DENND4C: variants seen among roughly 807,000 people sequenced by gnomAD.
The protein encoded by DENND4C is DENN domain containing 4C.
Under a neutral mutation model 203.0 loss-of-function variants are expected in DENND4C, and 108 were observed. The ratio of observed to expected loss-of-function variants is 0.53; its 90% confidence interval spans 0.46 to 0.62. The LOEUF (loss-of-function observed/expected upper bound fraction) is 0.62, where lower values mean the gene tolerates loss of function less well. Among genes scored for constraint, DENND4C ranks in the 20% least tolerant of loss-of-function variants. The pLI is 0.00. For synonymous variants in DENND4C, 871 were observed against 792.4 expected (o/e 1.10, Z -1.67); for missense variants, 2,481 against 2,301.2 (o/e 1.08, Z -1.60).
chr9:19,304,448 T>C (rs1229328637), intron 9 of DENND4C, among the ~76,000 whole-genome samples: 1 of 152,130 alleles, frequency 6.6e-6, no homozygotes, highest in Non-Finnish European at 1.5e-5. Context: ...CCTCCCAAAG[T>C]GCTGGGATTA....
intron 1 of DENND4C, among the ~76,000 whole-genome samples, chr9:19,235,232 T>C (rs934526287): frequency 1.2e-4 from 19 of 152,234 alleles, no homozygotes; most frequent in Admixed American, 1.2e-3. Flanking sequence ...CCCAAAGTGC[T>C]GGGATTACAG....
chr9:19,274,030 A>G (rs1015048582), intron 1 of DENND4C, among the ~76,000 whole-genome samples: 2 of 152,196 alleles, frequency 1.3e-5, no homozygotes, highest in East Asian at 1.9e-4. Flanking sequence ...AGGTGAATGG[A>G]TAAACATTGT....
intron 2 of DENND4C, among the ~76,000 whole-genome samples, chr9:19,283,510 G>A (rs1158280672): frequency 6.6e-6 from 1 of 151,814 alleles, no homozygotes; most frequent in Non-Finnish European, 1.5e-5. Context: ...AGTATATGCA[G>A]TCTGTGCTTG....
At chr9:19,365,961 G>T (rs1410683535) in intron 30 of DENND4C, among the ~76,000 whole-genome samples, 1 of 152,012 alleles carries the variant, frequency 6.6e-6, no homozygotes, top group African/African-American at 2.4e-5. Flanking sequence ...TTTATGGTCT[G>T]GAAAAGTTAA....
intron 1 of DENND4C, among the ~76,000 whole-genome samples, chr9:19,236,989 G>A (rs575268993): frequency 2.6e-5 from 4 of 151,598 alleles, no homozygotes; most frequent in African/African-American, 7.3e-5. Flanking sequence ...TTTCACATTT[G>A]TTCCTCTTAT....
At chr9:19,260,961 A>G (rs1013172373) in intron 1 of DENND4C, among the ~76,000 whole-genome samples, 2 of 152,162 alleles carry the variant, frequency 1.3e-5, no homozygotes, top group Non-Finnish European at 2.9e-5. Flanking sequence ...CCTGGAGAGT[A>G]TCCCCAATAT....
Position 19,336,522 on chromosome 9 carries a change from C to T in DENND4C, c.2734+108C>T, listed in dbSNP as rs1367595706. Reference sequence around the variant, plus strand: ...AAACTTAAATTCCGGTAGACATTTTCACATACATTTAAAGACAGATTGTCT... The same window carrying T: ...AAACTTAAATTCCGGTAGACATTTTTACATACATTTAAAGACAGATTGTCT... On this transcript the variant is annotated intron_variant, in intron 19 of 32. Coordinates refer to ENST00000434457, the MANE Select transcript of DENND4C (RefSeq NM_001330640.2). 3 of 1,445,846 alleles carry T rather than the reference C, an allele frequency of 2.1e-6. No individual in the cohort carries two copies. In the African/African-American group the frequency reaches 4.3e-5, roughly 21 times the overall value. 89.6% of individuals were successfully genotyped at this position (1,445,846 alleles called of 1,614,324 possible). A position where few individuals can be genotyped will look rare whatever the true frequency, so the allele number is the denominator to read the frequency against.
chr9:19,335,744 C>A (rs1434846897), intron 18 of DENND4C, among the ~76,000 whole-genome samples: 1 of 152,100 alleles, frequency 6.6e-6, no homozygotes. Context: ...ACATTTTCTT[C>A]ATCCATTCAT....
chr9:19,320,410 A>G (rs1295410982), intron 12 of DENND4C, among the ~76,000 whole-genome samples: 1 of 152,004 alleles, frequency 6.6e-6, no homozygotes, highest in Non-Finnish European at 1.5e-5. Flanking sequence ...TGTTGGCCAG[A>G]CTGGTCTCGA....
At chr9:19,283,254 A>C (rs540133221) in intron 2 of DENND4C, among the ~76,000 whole-genome samples, 31 of 152,108 alleles carry the variant, frequency 2.0e-4, no homozygotes, top group African/African-American at 7.0e-4. Flanking sequence ...GATCATCACT[A>C]TCTCTGCCTT....
intron 18 of DENND4C, 26 bp downstream of exon 18, chr9:19,335,131 A>C (rs201635828): frequency 8.8e-6 from 13 of 1,473,410 alleles, no homozygotes; most frequent in Non-Finnish European, 1.2e-5. Flanking sequence ...ATTAGGCAAG[A>C]TGTGGTGTTT....
rs368857837 is a variant in DENND4C, at chr9:19,372,858, C to CAAAAAAAAAAAAAAA, written c.*693_*707dup. 5.7e-5 allele frequency: 3 copies of CAAAAAAAAAAAAAAA among 52,988 alleles called. No homozygotes were observed. The highest frequency in any genetic ancestry group is 1.8e-4 in the African/African-American group (3 of 16,946). 3.3% of individuals were successfully genotyped at this position (52,988 alleles called of 1,614,324 possible). A position where few individuals can be genotyped will look rare whatever the true frequency, so the allele number is the denominator to read the frequency against. On this transcript the variant is annotated 3_prime_UTR_variant, in exon 33 of 33. Coordinates refer to ENST00000434457, the MANE Select transcript of DENND4C (RefSeq NM_001330640.2). ...CTTGGGTGACAGAGTGAGACCGTCT[C>CAAAAAAAAAAAAAAA]AAAAAAAAAAAAAAAAAAAAAAGAG...
intron 4 of DENND4C, 134 bp from the exon 5 acceptor site, chr9:19,290,570 G>A (rs1836086742): frequency 1.8e-6 from 1 of 566,406 alleles, no homozygotes; most frequent in Non-Finnish European, 2.7e-6. Context: ...ATAGCAAGGG[G>A]GAAATCAATT....
At chr9:19,284,844 T>C (rs189115168) in intron 2 of DENND4C, among the ~76,000 whole-genome samples, 6 of 152,288 alleles carry the variant, frequency 3.9e-5, no homozygotes. Flanking sequence ...TTCAGTCAAC[T>C]TGTCTTTTAT....
intron 2 of DENND4C, among the ~76,000 whole-genome samples, chr9:19,286,477 A>G (rs543493675): frequency 6.6e-6 from 1 of 152,164 alleles, no homozygotes; most frequent in Non-Finnish European, 1.5e-5. Context: ...TTCTTTTTTC[A>G]TATGTTTCTT....
intron 17 of DENND4C, 122 bp downstream of exon 17, chr9:19,332,306 C>T: frequency 1.4e-6 from 1 of 722,336 alleles, no homozygotes; most frequent in East Asian, 2.7e-5. Flanking sequence ...AAAGGTAAAA[C>T]TATTACTGTT....
At chr9:19,281,750 C>T (rs1391360360) in intron 2 of DENND4C, among the ~76,000 whole-genome samples, 1 of 152,132 alleles carries the variant, frequency 6.6e-6, no homozygotes, top group Admixed American at 6.5e-5. Context: ...ATAGAGTGTA[C>T]ATACACAAAC....
Position 19,360,299 on chromosome 9 carries a change from C to G in DENND4C, c.5216C>G (p.Pro1739Arg), listed in dbSNP as rs776165374. ...PPPVSVPYLS[P>R]LVLRKELESL... The stretch of plus-strand genomic sequence containing the variant: ...CCTGTTTCTGTGCCCTACTTGAGTC[C>G]TCTAGTACTCCGTAAAGAACTTGAA... The change falls in exon 29 of 33, where the codon CCT becomes CGT. Residue 1739 changes from proline (P) to arginine (R), a missense_variant. By Grantham distance (103) the Pro-to-Arg change is moderately radical. This residue lies in a region of DENND4C where 2,289 missense variants were observed against 2,113.3 expected (regional missense o/e 1.08). Coordinates refer to ENST00000434457, the MANE Select transcript of DENND4C (RefSeq NM_001330640.2). 6.2e-7 allele frequency: 1 copy of G among 1,613,970 alleles called. No individual in the cohort carries two copies.
In DENND4C at chr9:19,332,736, G is replaced by C. The variant is rs544234811; in HGVS notation, c.2460+552G>C. On this transcript the variant is annotated intron_variant, in intron 17 of 32. Coordinates refer to ENST00000434457, the MANE Select transcript of DENND4C (RefSeq NM_001330640.2). Reference sequence around the variant, plus strand: ...GCTGGAGTGCGGTTGTGTGATCATGGCACCTGGCATATGGTTTTTCTGTTT... The same window carrying C: ...GCTGGAGTGCGGTTGTGTGATCATGCCACCTGGCATATGGTTTTTCTGTTT... Among the ~76,000 whole-genome samples, 8 of 150,090 alleles carry C rather than the reference G, an allele frequency of 5.3e-5. No homozygotes were observed. The South Asian group carries it at 1.1e-3, about 20-fold the overall frequency.
Sources: allele counts gnomAD v4.1 joint callset (sites outside exome capture counted in the v4.1 genomes callset), GRCh38; gene constraint gnomAD v4.1.1; regional missense constraint gnomAD v4.1.1; transcripts MANE v1.5; gene names NCBI Gene and HGNC (gene_info 2026-07-23, HGNC 2026-07-21).